Variants in CEMIP observed in about 807,000 individuals in gnomAD.
CEMIP encodes the protein cell migration inducing hyaluronidase 1.
A neutral mutation model predicts 156.9 loss-of-function variants in CEMIP; 105 were observed. That is an observed-to-expected ratio of 0.67 (90% CI 0.57 to 0.79). The LOEUF (loss-of-function observed/expected upper bound fraction) is 0.79. CEMIP is among the 30% of genes least tolerant of loss of function. The pLI is 0.00. For synonymous variants in CEMIP, 676 were observed against 668.4 expected (o/e 1.01, Z -0.17); for missense variants, 1,457 against 1,769.4 (o/e 0.82, Z 3.17).
At chr15:80,809,166 CTT>C (rs1381656624) in intron 1 of CEMIP, among the ~76,000 whole-genome samples, 1 of 152,132 alleles carries the variant, frequency 6.6e-6, no homozygotes, top group Admixed American at 6.5e-5. Flanking sequence ...ATGTTAAAGA[CTT>C]TATCAGGGAA....
At chr15:80,806,245 T>G (rs751566842) in intron 1 of CEMIP, among the ~76,000 whole-genome samples, 2 of 152,220 alleles carry the variant, frequency 1.3e-5, no homozygotes, top group Non-Finnish European at 2.9e-5. Flanking sequence ...TAGGTATTGT[T>G]TGACCTTGAC....
chr15:80,861,551 C>T (rs1287593046), intron 1 of CEMIP, among the ~76,000 whole-genome samples: 2 of 152,188 alleles, frequency 1.3e-5, no homozygotes, highest in African/African-American at 4.8e-5. Context: ...CAGGAACCCC[C>T]CAGTGGGGAG....
chr15:80,885,079 CGCCCCT>C (rs1386365046), intron 7 of CEMIP, among the ~76,000 whole-genome samples: 1 of 152,174 alleles, frequency 6.6e-6, no homozygotes, highest in Non-Finnish European at 1.5e-5. Flanking sequence ...CTCTGCCCCT[CGCCCCT>C]GCCAAGCCCC....
intron 4 of CEMIP, 73 bp downstream of exon 4, chr15:80,878,940 C>G: frequency 1.3e-6 from 2 of 1,578,954 alleles, no homozygotes; most frequent in South Asian, 2.2e-5. Flanking sequence ...ATGCAGGTTG[C>G]CATGAGCTCA....
intron 25 of CEMIP, among the ~76,000 whole-genome samples, chr15:80,939,781 C>A (rs1596208616): frequency 6.6e-6 from 1 of 152,278 alleles, no homozygotes; most frequent in East Asian, 1.9e-4. Flanking sequence ...AACTCTTGGG[C>A]TTTTAAAAAT....
Position 80,808,985 on chromosome 15 carries a change from C to T in CEMIP, c.-176+29371C>T, listed in dbSNP as rs577921076. ...GGGGACAAGATGATAAATATGAATG[C>T]TCGAGGATGAAGAAACAAGAGTAAG... On this transcript the variant is annotated intron_variant, in intron 1 of 29. Transcript: ENST00000394685. Among the ~76,000 whole-genome samples, 4 of 152,270 alleles carry T rather than the reference C, an allele frequency of 2.6e-5. No individual in the cohort carries two copies. In the South Asian group the frequency reaches 6.2e-4, roughly 24 times the overall value.
At chr15:80,899,319 G>A (rs1289568451) in intron 12 of CEMIP, among the ~76,000 whole-genome samples, 2 of 152,102 alleles carry the variant, frequency 1.3e-5, no homozygotes, top group East Asian at 3.9e-4. Flanking sequence ...TGCATTCCCT[G>A]TCCTCAGGGA....
intron 22 of CEMIP, 82 bp from the exon 23 acceptor site, chr15:80,933,163 C>G: frequency 7.9e-7 from 1 of 1,260,638 alleles, no homozygotes; most frequent in Non-Finnish European, 1.1e-6. Flanking sequence ...CAGTGGAAAT[C>G]GGAAACCTCG....
chr15:80,848,774 T>C (rs1272801398), intron 1 of CEMIP, among the ~76,000 whole-genome samples: 1 of 151,814 alleles, frequency 6.6e-6, no homozygotes, highest in Non-Finnish European at 1.5e-5. Flanking sequence ...CAATGTGGGG[T>C]GCAGCTGCCC....
intron 14 of CEMIP, among the ~76,000 whole-genome samples, chr15:80,914,357 G>C (rs547791811): frequency 3.9e-5 from 6 of 152,066 alleles, no homozygotes; most frequent in Admixed American, 3.9e-4. Context: ...TTTCCTCCTC[G>C]TGTATTGCTC....
chr15:80,896,940 T>TTA (rs1424510499), intron 12 of CEMIP, among the ~76,000 whole-genome samples: 2 of 152,196 alleles, frequency 1.3e-5, no homozygotes, highest in African/African-American at 4.8e-5. Context: ...AGAACCATGC[T>TTA]TAGGCCATGG....
intron 12 of CEMIP, chr15:80,901,107 C>G: frequency 2.6e-6 from 1 of 385,314 alleles, no homozygotes; most frequent in South Asian, 1.9e-5. Flanking sequence ...TGATTTTCCA[C>G]CCTGTTGTCT....
intron 1 of CEMIP, among the ~76,000 whole-genome samples, chr15:80,814,842 G>T (rs1443295954): frequency 1.3e-5 from 2 of 152,142 alleles, no homozygotes; most frequent in Non-Finnish European, 1.5e-5. Context: ...AATTCTAGGG[G>T]TGTGCTTTCT....
intron 1 of CEMIP, among the ~76,000 whole-genome samples, chr15:80,872,667 T>C (rs1898335973): frequency 6.6e-6 from 1 of 151,888 alleles, no homozygotes; most frequent in Non-Finnish European, 1.5e-5. Context: ...ATACAAAAAT[T>C]AGCCAGGTGT....
chr15:80,816,661 C>A (rs1896794471), intron 1 of CEMIP, among the ~76,000 whole-genome samples: 1 of 152,148 alleles, frequency 6.6e-6, no homozygotes, highest in Non-Finnish European at 1.5e-5. Flanking sequence ...TAACCTGACC[C>A]TGTCAGCTGG....
At chr15:80,857,298 G>A (rs1308734142) in intron 1 of CEMIP, among the ~76,000 whole-genome samples, 1 of 152,194 alleles carries the variant, frequency 6.6e-6, no homozygotes, top group African/African-American at 2.4e-5. Context: ...GGCACAGCAG[G>A]TGCCAACAAA....
intron 25 of CEMIP, among the ~76,000 whole-genome samples, chr15:80,940,467 T>C (rs1567111492): frequency 6.6e-6 from 1 of 152,324 alleles, no homozygotes; most frequent in Non-Finnish European, 1.5e-5. Flanking sequence ...GACGTGACCA[T>C]GGGCAGCACT....
Position 80,936,885 on chromosome 15 carries a change from A to G in CEMIP, c.3221A>G (p.Lys1074Arg), listed in dbSNP as rs774156011. 1 of 1,613,884 alleles carries G rather than the reference A, an allele frequency of 6.2e-7. No individual in the cohort carries two copies. The highest frequency in any genetic ancestry group is 1.1e-5 in the South Asian group (1 of 91,076). Residue 1074 changes from lysine to arginine, a missense_variant and splice_region_variant, in exon 24 of 30, where the codon AAG becomes AGG. Coordinates refer to ENST00000394685, the MANE Select transcript of CEMIP (RefSeq NM_001293298.2). Reference protein sequence around the residue: ...ELAIWLINFNKGDWIRVGLCY... With the variant: ...ELAIWLINFNRGDWIRVGLCY... ...GCCATCTGGCTCATCAACTTCAACA[A>G]GTGAGTGGGTGTCCAGCCAGGAGCA...
At chr15:80,852,645 G>T (rs547975238) in intron 1 of CEMIP, among the ~76,000 whole-genome samples, 1 of 152,166 alleles carries the variant, frequency 6.6e-6, no homozygotes, top group African/African-American at 2.4e-5. Flanking sequence ...TCAAAGAAGG[G>T]TTTATGCCTC....
Sources: gnomAD v4.1 joint callset for allele counts (sites outside exome capture counted in the v4.1 genomes callset) on GRCh38, gnomAD v4.1.1 for gene constraint, MANE v1.5 for transcripts, NCBI Gene and HGNC (gene_info 2026-07-23, HGNC 2026-07-21) for gene names.